The following NRP2 variants were observed in gnomAD, a reference collection of about 807,000 sequenced individuals.
The protein encoded by NRP2 is neuropilin-2.
Under a neutral mutation model 110.4 loss-of-function variants are expected in NRP2, and 52 were observed. The observed-to-expected ratio is 0.47, with a 90% CI of 0.38 to 0.59. The LOEUF is 0.59. Ranked by LOEUF, NRP2 falls within the 20% of genes least tolerant of loss-of-function variation. The probability of loss-of-function intolerance (pLI) is 0.00; values close to 1 mark genes in which losing one functional copy is unlikely to be tolerated. For missense variants in NRP2, 1,049 were observed against 1,203.0 expected (o/e 0.87, Z 1.89); for synonymous variants, 508 against 468.9 (o/e 1.08, Z -1.08).
intron 9 of NRP2, among the ~76,000 whole-genome samples, chr2:205,745,280 G>A (rs922899534): frequency 2.4e-4 from 37 of 152,320 alleles, no homozygotes; most frequent in East Asian, 1.7e-3. Flanking sequence ...TTCTCAGTGA[G>A]CTAGGAACTA....
chr2:205,683,357 C>G lies in NRP2; in HGVS notation c.67C>G (p.Gln23Glu). The change falls in exon 1 of 17, where the codon CAA becomes GAA. Residue 23 changes from glutamine (Q) to glutamate (E), a missense_variant. By Grantham distance (29) the Gln-to-Glu change is conservative. Coordinates refer to ENST00000357785, the MANE Select transcript of NRP2 (RefSeq NM_003872.3). ...LYFSRHQVRGQPDPPCGGRLN... is the reference protein window; with the variant it reads ...LYFSRHQVRGEPDPPCGGRLN... ...CTTTTCAAGACACCAAGTGAGAGGC[C>G]AACCAGGTAAGCCACTGAAAGTTTT... is the stretch of plus-strand genomic sequence containing the variant. The G allele has an allele frequency of 6.2e-7, 1 of 1,612,016 alleles. No homozygotes were observed. The highest frequency in any genetic ancestry group is 1.3e-5 in the African/African-American group (1 of 74,978).
chr2:205,760,434 C>T (rs1402956707), intron 12 of NRP2, among the ~76,000 whole-genome samples: 28 of 152,148 alleles, frequency 1.8e-4, no homozygotes. Flanking sequence ...GAAGTGAAAT[C>T]CAGAGGCCTG....
chr2:205,774,010 A>G (rs1283481248), intron 15 of NRP2, among the ~76,000 whole-genome samples: 2 of 152,210 alleles, frequency 1.3e-5, no homozygotes, highest in East Asian at 1.9e-4. Flanking sequence ...GTGGAGCCAC[A>G]TGAAAATCAG....
intron 15 of NRP2, chr2:205,778,883 T>G (rs2058140259): frequency 6.6e-6 from 1 of 152,278 alleles, no homozygotes; most frequent in South Asian, 2.1e-4. Context: ...ACCTTCTCTG[T>G]CACTCCCCAT....
At chr2:205,792,170 C>G in intron 15 of NRP2, 65 bp from the exon 16 acceptor site, 1 of 1,096,652 alleles carries the variant, frequency 9.1e-7, no homozygotes, top group East Asian at 2.4e-5. Flanking sequence ...AAGATTGCCT[C>G]CCTGCCTTTT....
chr2:205,683,973 C>G (rs1307930906), intron 1 of NRP2, among the ~76,000 whole-genome samples: 1 of 152,186 alleles, frequency 6.6e-6, no homozygotes, highest in Non-Finnish European at 1.5e-5. Context: ...GACGGTTGGT[C>G]TCTTCTCTCT....
chr2:205,730,342 G>A (rs532699532), intron 7 of NRP2, among the ~76,000 whole-genome samples: 1 of 142,624 alleles, frequency 7.0e-6, no homozygotes, highest in East Asian at 2.4e-4. Flanking sequence ...GCCGCAGTTT[G>A]ATTTGATGCC....
chr2:205,698,857 G>A (rs2056493095), intron 2 of NRP2, among the ~76,000 whole-genome samples: 1 of 152,098 alleles, frequency 6.6e-6, no homozygotes. Flanking sequence ...AATTAATAAG[G>A]GGGCCAGCTG....
At chr2:205,790,452 T>G (rs35038502) in intron 15 of NRP2, among the ~76,000 whole-genome samples, 2,484 of 152,254 alleles carry the variant, frequency 0.016, 34 homozygotes, top group Middle Eastern at 0.034. Flanking sequence ...ATCACATCCT[T>G]GGCAGAAACA....
At chr2:205,693,425 G>A (rs1416956576) in intron 1 of NRP2, among the ~76,000 whole-genome samples, 1 of 151,966 alleles carries the variant, frequency 6.6e-6, no homozygotes, top group African/African-American at 2.4e-5. Flanking sequence ...TAGGAGGCCT[G>A]GACACTACAA....
At chr2:205,741,624 C>A (rs1446777309) in intron 8 of NRP2, among the ~76,000 whole-genome samples, 2 of 152,306 alleles carry the variant, frequency 1.3e-5, no homozygotes, top group Non-Finnish European at 2.9e-5. Context: ...ATCTTGTGGG[C>A]TCAGCCCAGG....
At chr2:205,768,680 G>C (rs2057968377) in intron 15 of NRP2, among the ~76,000 whole-genome samples, 1 of 152,124 alleles carries the variant, frequency 6.6e-6, no homozygotes, top group African/African-American at 2.4e-5. Flanking sequence ...ATAAACACAG[G>C]GCTTAGTAAC....
At chr2:205,683,411 T>A in intron 1 of NRP2, 48 bp downstream of exon 1, 1 of 1,380,116 alleles carries the variant, frequency 7.2e-7, no homozygotes, top group Non-Finnish European at 1.0e-6. Context: ...GTTTCCCCTT[T>A]AAAAGTGACC....
At chr2:205,718,896 C>A (rs1343872451) in intron 3 of NRP2, among the ~76,000 whole-genome samples, 1 of 148,974 alleles carries the variant, frequency 6.7e-6, no homozygotes, top group African/African-American at 2.5e-5. Context: ...GAGCCGAGAT[C>A]ATGCCATTGC....
intron 14 of NRP2, 130 bp from the exon 15 acceptor site, chr2:205,766,652 TC>T: frequency 1.3e-6 from 1 of 791,802 alleles, no homozygotes; most frequent in Non-Finnish European, 2.2e-6. Context: ...TGGGGGGCCC[TC>T]TCCATGGAGT....
At chr2:205,765,348 TAA>T in intron 13 of NRP2, 124 bp from the exon 14 acceptor site, 1 of 635,166 alleles carries the variant, frequency 1.6e-6, no homozygotes, top group South Asian at 1.7e-5. Flanking sequence ...CCAGGTGCAA[TAA>T]CACACACACA....
At chr2:205,702,916 C>T (rs2056590987) in intron 2 of NRP2, among the ~76,000 whole-genome samples, 1 of 152,220 alleles carries the variant, frequency 6.6e-6, no homozygotes, top group Admixed American at 6.5e-5. Flanking sequence ...TCCTGCAGTT[C>T]CCTTTTATCA....
intron 12 of NRP2, chr2:205,761,380 GA>G (rs1270067529): frequency 6.6e-6 from 1 of 152,102 alleles, no homozygotes; most frequent in Non-Finnish European, 1.5e-5. Flanking sequence ...TGATAAAAAA[GA>G]CATGAAAAAA....
rs3832135 is a variant in NRP2 at position 205,688,861 on chromosome 2, C to CAA, written c.73+5505_73+5506dup. Among the ~76,000 whole-genome samples the CAA allele has an allele frequency of 2.9e-3, 436 of 151,616 alleles. 12 individuals carry two copies. The East Asian group carries it at 0.059, about 21-fold the overall frequency. ...CAAAAAACAAAAAAACAAAACAAAA[C>CAA]AAAAAAAACAAAAAAACCCTTCGAT... On this transcript the variant is annotated intron_variant, in intron 1 of 16. Coordinates refer to ENST00000357785, the MANE Select transcript of NRP2 (RefSeq NM_003872.3).
Sources: gnomAD v4.1 joint callset for allele counts (sites outside exome capture counted in the v4.1 genomes callset) on GRCh38, gnomAD v4.1.1 for gene constraint, MANE v1.5 for transcripts, NCBI Gene and HGNC (gene_info 2026-07-23, HGNC 2026-07-21) for gene names.